NDST3: variants seen among roughly 807,000 people sequenced by gnomAD.
NDST3 encodes bifunctional heparan sulfate N-deacetylase/N-sulfotransferase 3.
NDST3 carries 58 observed loss-of-function variants against 96.1 expected under a neutral mutation model. That is an observed-to-expected ratio of 0.60 (90% CI 0.49 to 0.75). The LOEUF (loss-of-function observed/expected upper bound fraction) is 0.75. NDST3 is among the 30% of genes least tolerant of loss of function. NDST3 has a pLI of 0.00. For missense variants in NDST3, 788 were observed against 1,034.2 expected (o/e 0.76, Z 3.27); for synonymous variants, 333 against 359.7 (o/e 0.93, Z 0.84).
chr4:118,162,241 A>T (rs1161961277), intron 6 of NDST3, among the ~76,000 whole-genome samples: 8 of 152,134 alleles, frequency 5.3e-5, no homozygotes, highest in Non-Finnish European at 1.0e-4. Flanking sequence ...ACAGAATTGG[A>T]AAAAACTACT....
chr4:118,105,449 T>A (rs1238147375), intron 3 of NDST3, among the ~76,000 whole-genome samples: 1 of 152,158 alleles, frequency 6.6e-6, no homozygotes, highest in Non-Finnish European at 1.5e-5. Flanking sequence ...CCACTTCTTG[T>A]GCCCCTCACA....
At chr4:118,194,261 T>C (rs1450086504) in intron 6 of NDST3, 11 of 724,678 alleles carry the variant, frequency 1.5e-5, no homozygotes, top group East Asian at 2.5e-5. Context: ...AGCACCCTCA[T>C]TGGGCCTGGG....
intron 3 of NDST3, among the ~76,000 whole-genome samples, chr4:118,106,397 G>A (rs183386267): frequency 6.6e-6 from 1 of 152,062 alleles, no homozygotes; most frequent in Admixed American, 6.5e-5. Context: ...CCAGGATAGA[G>A]TGCAGTGGTG....
At chr4:118,037,846 G>A (rs142785340) in intron 1 of NDST3, among the ~76,000 whole-genome samples, 9 of 152,230 alleles carry the variant, frequency 5.9e-5, no homozygotes, top group African/African-American at 2.2e-4. Context: ...TTTACCTGAC[G>A]CCTTTATTGA....
intron 1 of NDST3, among the ~76,000 whole-genome samples, chr4:118,051,753 A>G (rs1339865748): frequency 6.6e-6 from 1 of 152,176 alleles, no homozygotes; most frequent in Non-Finnish European, 1.5e-5. Context: ...TATTAAAAGA[A>G]GACATACAAG....
intron 2 of NDST3, among the ~76,000 whole-genome samples, chr4:118,055,893 G>T (rs549604145): frequency 1.3e-5 from 2 of 151,918 alleles, no homozygotes; most frequent in South Asian, 2.1e-4. Flanking sequence ...CTAGTTAAGT[G>T]GGCTAAGAAT....
At chr4:118,121,736 T>C (rs1262679310) in intron 4 of NDST3, among the ~76,000 whole-genome samples, 1 of 152,204 alleles carries the variant, frequency 6.6e-6, no homozygotes, top group Non-Finnish European at 1.5e-5. Flanking sequence ...CCTCCCACTT[T>C]TCTATCTGTG....
intron 12 of NDST3, among the ~76,000 whole-genome samples, chr4:118,243,555 C>G (rs1741134197): frequency 5.3e-5 from 8 of 152,174 alleles, no homozygotes; most frequent in Admixed American, 5.2e-4. Context: ...TTCAACTTGA[C>G]CTTAAAGAAA....
intron 1 of NDST3, among the ~76,000 whole-genome samples, chr4:118,038,555 A>C (rs1291308998): frequency 2.6e-5 from 4 of 152,180 alleles, no homozygotes; most frequent in African/African-American, 9.6e-5. Flanking sequence ...TGCCTACCAC[A>C]GCAGGGTTTA....
chr4:118,153,019 G>A (rs779335278), intron 6 of NDST3, among the ~76,000 whole-genome samples: 2 of 152,106 alleles, frequency 1.3e-5, no homozygotes, highest in Non-Finnish European at 2.9e-5. Flanking sequence ...ACTGAGCAAC[G>A]GCTACCTGAG....
chr4:118,090,199 C>A (rs1728752787), intron 2 of NDST3, among the ~76,000 whole-genome samples: 1 of 152,010 alleles, frequency 6.6e-6, no homozygotes, highest in Non-Finnish European at 1.5e-5. Context: ...CACATTCCTG[C>A]TGACAGAGCT....
intron 1 of NDST3, among the ~76,000 whole-genome samples, chr4:118,047,974 G>C (rs1724865818): frequency 6.6e-6 from 1 of 152,126 alleles, no homozygotes; most frequent in South Asian, 2.1e-4. Flanking sequence ...AAGGCAGCTA[G>C]AGAGAAGAAG....
rs148548944 is a variant in NDST3 at position 118,107,091 on chromosome 4, AAATAATAATAAT to A, written c.1069+1996_1069+2007del. The stretch of plus-strand genomic sequence containing the variant: ...GGCTACAGAGCGAGACTCCATCTCA[AAATAATAATAAT>A]AATAATAATCATCATCATCATCATC... On this transcript the variant is annotated intron_variant, in intron 3 of 13. Coordinates refer to ENST00000296499, the MANE Select transcript of NDST3 (RefSeq NM_004784.3). Among the ~76,000 whole-genome samples the A allele has an allele frequency of 1.4e-4, 21 of 145,338 alleles. No individual in the cohort carries two copies. In the East Asian group the frequency reaches 2.2e-3, roughly 15 times the overall value.
At chr4:118,201,303 T>TA (rs1382284569) in intron 6 of NDST3, among the ~76,000 whole-genome samples, 1 of 152,248 alleles carries the variant, frequency 6.6e-6, no homozygotes, top group Non-Finnish European at 1.5e-5. Flanking sequence ...GTAAACCTAG[T>TA]AATGGTATGG....
At chr4:118,181,390 A>C (rs1186640251) in intron 6 of NDST3, among the ~76,000 whole-genome samples, 1 of 152,166 alleles carries the variant, frequency 6.6e-6, no homozygotes, top group Non-Finnish European at 1.5e-5. Context: ...GAGAGGAGCC[A>C]GTTTGAGATC....
At chr4:118,140,124 C>T (rs922184700) in intron 5 of NDST3, among the ~76,000 whole-genome samples, 9 of 152,156 alleles carry the variant, frequency 5.9e-5, no homozygotes, top group African/African-American at 1.9e-4. Flanking sequence ...GGCTGAAGCA[C>T]ACTCACTCCA....
At chr4:118,179,385 T>G (rs1174942359) in intron 6 of NDST3, among the ~76,000 whole-genome samples, 1 of 152,044 alleles carries the variant, frequency 6.6e-6, no homozygotes, top group East Asian at 1.9e-4. Flanking sequence ...ATCTATAAAT[T>G]GAGGTTTGCA....
intron 5 of NDST3, among the ~76,000 whole-genome samples, 168 bp downstream of exon 5, chr4:118,138,407 T>G (rs1733299023): frequency 1.3e-5 from 2 of 152,238 alleles, no homozygotes; most frequent in African/African-American, 4.8e-5. Context: ...TAAAATCACT[T>G]CTTTTCAATT....
At chr4:118,210,432 G>T (rs1738711171) in intron 6 of NDST3, among the ~76,000 whole-genome samples, 1 of 151,990 alleles carries the variant, frequency 6.6e-6, no homozygotes, top group African/African-American at 2.4e-5. Context: ...CAAATCCCAG[G>T]GCCCAAATGT....
Sources: allele counts gnomAD v4.1 joint callset (sites outside exome capture counted in the v4.1 genomes callset), GRCh38; gene constraint gnomAD v4.1.1; transcripts MANE v1.5; gene names NCBI Gene and HGNC (gene_info 2026-07-23, HGNC 2026-07-21).